The following NBAS variants were observed in gnomAD, a reference collection of about 807,000 sequenced individuals.
The protein encoded by NBAS is NAG/BC035112 fusion.
A neutral mutation model predicts 302.5 loss-of-function variants in NBAS; 219 were observed. That is an observed-to-expected ratio of 0.72 (90% CI 0.65 to 0.81). The LOEUF (loss-of-function observed/expected upper bound fraction) is 0.81. NBAS is among the 30% of genes least tolerant of loss of function. The pLI is 0.00. For missense variants in NBAS, 2,932 were observed against 2,841.6 expected (o/e 1.03, Z -0.72); for synonymous variants, 1,118 against 1,021.6 (o/e 1.09, Z -1.80).
the NBAS span, among the ~76,000 whole-genome samples, chr2:15,056,833 C>CTTTTTTTTTT: frequency 7.9e-6 from 1 of 126,098 alleles, no homozygotes; most frequent in East Asian, 2.3e-4. Flanking sequence ...TTTTTTTTTT[C>CTTTTTTTTTT]TTTTTTTTTT....
At chr2:15,129,267 G>A in the NBAS span, among the ~76,000 whole-genome samples, 3 of 152,258 alleles carry the variant, frequency 2.0e-5, no homozygotes, top group Non-Finnish European at 4.4e-5. Context: ...GCCTTGTCGG[G>A]TTTACTGATC....
chr2:15,401,531 C>T (rs1676152142), intron 26 of NBAS, among the ~76,000 whole-genome samples: 1 of 152,016 alleles, frequency 6.6e-6, no homozygotes, highest in Admixed American at 6.6e-5. Context: ...AAGTTTAAAA[C>T]AGGTCTGCTG....
the NBAS span, among the ~76,000 whole-genome samples, chr2:14,921,896 TC>T: frequency 9.9e-4 from 151 of 152,248 alleles, no homozygotes; most frequent in Non-Finnish European, 3.2e-4. Context: ...AAAAACATCT[TC>T]CCCAGCAAAA....
the NBAS span, among the ~76,000 whole-genome samples, chr2:15,029,358 G>A: frequency 6.6e-6 from 1 of 152,150 alleles, no homozygotes; most frequent in Admixed American, 6.5e-5. Flanking sequence ...ATCTTATCCT[G>A]AAATCAGCTG....
chr2:15,266,359 A>G (rs774325437), intron 44 of NBAS, among the ~76,000 whole-genome samples: 2 of 152,182 alleles, frequency 1.3e-5, no homozygotes, highest in Non-Finnish European at 2.9e-5. Context: ...ACTCATTAGG[A>G]TGCCCTTAAG....
At chr2:15,041,512 G>C in the NBAS span, among the ~76,000 whole-genome samples, 2 of 152,250 alleles carry the variant, frequency 1.3e-5, no homozygotes, top group Non-Finnish European at 2.9e-5. Flanking sequence ...CCCCAAGGGG[G>C]AGAGTGGCAA....
chr2:15,208,855 A>G (rs1160039473), intron 48 of NBAS, among the ~76,000 whole-genome samples: 1 of 152,180 alleles, frequency 6.6e-6, no homozygotes, highest in Admixed American at 6.5e-5. Flanking sequence ...AGGAAAAGAA[A>G]AACTTCAAAT....
intron 44 of NBAS, among the ~76,000 whole-genome samples, chr2:15,253,658 A>G (rs778659386): frequency 2.0e-5 from 3 of 151,834 alleles, no homozygotes; most frequent in Non-Finnish European, 4.4e-5. Flanking sequence ...CTCTTTCCCA[A>G]CTCCCCTTTG....
the NBAS span, among the ~76,000 whole-genome samples, chr2:15,100,436 C>G: frequency 2.6e-5 from 4 of 152,112 alleles, no homozygotes; most frequent in Non-Finnish European, 4.4e-5. Flanking sequence ...CATAGTATCA[C>G]AGAGTTCCAT....
rs541781702 is a variant in NBAS at position 15,232,176 on chromosome 2, T to C, written c.6236+246A>G. Reference sequence around the variant, plus strand: ...TTCTGCCCTGACAGAATGATCATGATGATTATTATTTCTAATGGCTTTCAA... The same window carrying C: ...TTCTGCCCTGACAGAATGATCATGACGATTATTATTTCTAATGGCTTTCAA... On this transcript the variant is annotated intron_variant, in intron 47 of 51. Coordinates refer to ENST00000281513, the MANE Select transcript of NBAS (RefSeq NM_015909.4). Among the ~76,000 whole-genome samples the C allele has an allele frequency of 5.3e-5, 8 of 152,204 alleles. No homozygotes were observed. The South Asian group carries it at 1.7e-3, about 32-fold the overall frequency.
intron 12 of NBAS, among the ~76,000 whole-genome samples, chr2:15,480,608 C>A (rs1377012787): frequency 2.6e-5 from 4 of 151,974 alleles, no homozygotes; most frequent in Admixed American, 2.6e-4. Context: ...TCTTTTAAGA[C>A]TGGATAAGAC....
chr2:14,943,476 G>T, the NBAS span, among the ~76,000 whole-genome samples: 4 of 152,328 alleles, frequency 2.6e-5, no homozygotes, highest in South Asian at 8.3e-4. Context: ...TTGCATTGCA[G>T]TGTCAACCTA....
chr2:15,542,840 G>C (rs980109238), intron 6 of NBAS, among the ~76,000 whole-genome samples: 8 of 152,252 alleles, frequency 5.3e-5, no homozygotes, highest in Middle Eastern at 3.4e-3. Flanking sequence ...ATTTTGATAA[G>C]ATAAACAGAT....
chr2:14,975,900 T>TG, the NBAS span, among the ~76,000 whole-genome samples: 1 of 152,128 alleles, frequency 6.6e-6, no homozygotes, highest in African/African-American at 2.4e-5. Flanking sequence ...CCTCAACATA[T>TG]GTGTGGTTTA....
At chr2:15,309,288 T>A in intron 38 of NBAS, 41 bp from the exon 39 acceptor site, 1 of 1,518,896 alleles carries the variant, frequency 6.6e-7, no homozygotes, top group Admixed American at 1.7e-5. Flanking sequence ...TGAGGTTGCA[T>A]ATGATATTCA....
rs191685744 is a variant in NBAS, at chr2:15,292,429, A to C, written c.5027+108T>G. 5.7e-3 allele frequency: 6,649 copies of C among 1,169,110 alleles called. 32 individuals carry two copies. The highest frequency in any genetic ancestry group is 6.9e-3 in the Non-Finnish European group (5,514 of 804,698). The allele number at this position is 1,169,110 out of a possible 1,614,324, so 72.4% of individuals were successfully genotyped here. ...AGTTGGGGAAAGCCCTATTCATAGC[A>C]ACCATGAATGTAAAACTTCAAAGGA... On this transcript the variant is annotated intron_variant, in intron 41 of 51. Transcript: ENST00000281513.
At chr2:14,948,030 TTGGTTTGATGGAATATA>T in the NBAS span, among the ~76,000 whole-genome samples, 8 of 151,926 alleles carry the variant, frequency 5.3e-5, no homozygotes, top group Non-Finnish European at 1.0e-4. Context: ...CTAGTCAAAT[TTGGTTTGATGGAATATA>T]TGGTTTGATG....
the NBAS span, among the ~76,000 whole-genome samples, chr2:14,915,281 A>G: frequency 1.3e-5 from 2 of 152,258 alleles, no homozygotes; most frequent in African/African-American, 2.4e-5. Context: ...TTAGGAGCTC[A>G]GTGCTGAAAA....
intron 48 of NBAS, among the ~76,000 whole-genome samples, chr2:15,202,820 G>C (rs2147835338): frequency 1.3e-5 from 2 of 152,314 alleles, no homozygotes; most frequent in Non-Finnish European, 2.9e-5. Flanking sequence ...TTACAGGCCT[G>C]AGCCACTGCA....
Sources: gnomAD v4.1 joint callset for allele counts (sites outside exome capture counted in the v4.1 genomes callset) on GRCh38, gnomAD v4.1.1 for gene constraint, MANE v1.5 for transcripts, NCBI Gene and HGNC (gene_info 2026-07-23, HGNC 2026-07-21) for gene names.